Variants in CRISP2 observed in about 807,000 individuals in gnomAD.
CRISP2 encodes the protein cysteine-rich secretory protein 2.
CRISP2 carries 29 observed loss-of-function variants against 31.7 expected under a neutral mutation model. The ratio of observed to expected loss-of-function variants is 0.92; its 90% CI spans 0.68 to 1.25. The LOEUF (loss-of-function observed/expected upper bound fraction) is 1.25. CRISP2 is among the 50% of genes most tolerant of loss of function. The probability of loss-of-function intolerance (pLI) is 0.00; values close to 1 mark genes in which losing one functional copy is unlikely to be tolerated. For missense variants in CRISP2, 318 were observed against 286.5 expected (o/e 1.11, Z -0.79); for synonymous variants, 111 against 101.4 (o/e 1.09, Z -0.57).
At chr6:49,685,951 T>C in the CRISP2 span, among the ~76,000 whole-genome samples, 1 of 151,988 alleles carries the variant, frequency 6.6e-6, no homozygotes, top group Non-Finnish European at 1.5e-5. Flanking sequence ...CTCCCAACCA[T>C]TTTTTCTTAC....
intron 6 of CRISP2, 99 bp from the exon 7 acceptor site, chr6:49,698,606 C>T (rs982103524): frequency 8.1e-7 from 1 of 1,237,606 alleles, no homozygotes; most frequent in African/African-American, 1.5e-5. Flanking sequence ...ACCCAGGGTC[C>T]AGCAGATGCT....
Position 49,709,193 on chromosome 6 carries a change from C to A in CRISP2, c.4G>T (p.Ala2Ser). 3 of 1,613,452 alleles carry A rather than the reference C, an allele frequency of 1.9e-6. No homozygotes were observed. Among genetic ancestry groups the A allele is most frequent in the Non-Finnish European group, 2.5e-6 (3 of 1,179,818 alleles). M[A>S]LLPVLFLVTV... ...ACCAGAAACAACACCGGTAGTAAAG[C>A]CATTGCTGGAAACTAAGTCAAGAAA... Residue 2 changes from alanine to serine, a missense_variant, in exon 4 of 10, where the codon GCT becomes TCT. Transcript: ENST00000339139.
chr6:49,701,697 A>T (rs1449194757), intron 4 of CRISP2, among the ~76,000 whole-genome samples: 1 of 112,662 alleles, frequency 8.9e-6, no homozygotes, highest in East Asian at 2.6e-4. Flanking sequence ...ATATATGTAT[A>T]CATTATGTAT....
chr6:49,695,383 G>C (rs948235937), intron 9 of CRISP2, among the ~76,000 whole-genome samples: 2 of 152,122 alleles, frequency 1.3e-5, no homozygotes, highest in Admixed American at 1.3e-4. Flanking sequence ...AAAGAAGTGA[G>C]GAAATCAGCA....
chr6:49,699,806 G>A lies in CRISP2; in HGVS notation c.269C>T (p.Thr90Ile). 6.2e-7 allele frequency: 1 copy of A among 1,605,288 alleles called. No individual in the cohort carries two copies. The highest frequency in any genetic ancestry group is 8.5e-7 in the Non-Finnish European group (1 of 1,173,408). The stretch of plus-strand genomic sequence containing the variant: ...CAAATATTTACTAATTTACATACTG[G>A]TTTTGCGGTCCTCTGGATCACTATG... ...LQHSDPEDRK[T>I]STRCGENLYM... Residue 90 changes from threonine to isoleucine, a missense_variant and splice_region_variant, in exon 6 of 10, where the codon ACC becomes ATC. Coordinates refer to ENST00000339139, the MANE Select transcript of CRISP2 (RefSeq NM_003296.4).
chr6:49,699,522 G>T (rs570226221), intron 6 of CRISP2, among the ~76,000 whole-genome samples: 18 of 151,816 alleles, frequency 1.2e-4, no homozygotes, highest in Non-Finnish European at 2.6e-4. Context: ...TCAAATTCTG[G>T]CTTTCTAATC....
intron 6 of CRISP2, among the ~76,000 whole-genome samples, chr6:49,698,829 G>T (rs1283289002): frequency 1.3e-5 from 2 of 152,080 alleles, no homozygotes; most frequent in African/African-American, 4.8e-5. Flanking sequence ...GCTTGCTAAA[G>T]GCAGTGACCA....
At chr6:49,691,624 T>C (rs143561744), downstream of CRISP2, among the ~76,000 whole-genome samples, 991 of 152,150 alleles carry the variant, frequency 6.5e-3, 7 homozygotes, top group African/African-American at 0.022. Flanking sequence ...ATGTCTTTAG[T>C]TTTAGTACTA....
the CRISP2 span, among the ~76,000 whole-genome samples, chr6:49,686,464 G>A: frequency 6.6e-6 from 1 of 152,018 alleles, no homozygotes. Flanking sequence ...TCCCTCTCTG[G>A]TTTCAAAATG....
chr6:49,692,999 C>A, intron 9 of CRISP2, 99 bp from the exon 10 acceptor site: 1 of 1,276,646 alleles, frequency 7.8e-7, no homozygotes, highest in Non-Finnish European at 1.1e-6. Context: ...AGGGAACAAA[C>A]AAGTTAGCAT....
At chr6:49,678,608 G>A in the CRISP2 span, among the ~76,000 whole-genome samples, 3 of 152,084 alleles carry the variant, frequency 2.0e-5, no homozygotes, top group Non-Finnish European at 2.9e-5. Context: ...ATTGCAGAGA[G>A]TGTAAATGTG....
chr6:49,683,114 C>T, the CRISP2 span, among the ~76,000 whole-genome samples: 288 of 151,530 alleles, frequency 1.9e-3, 1 homozygote, highest in African/African-American at 6.4e-3. Flanking sequence ...GCTGAGATCA[C>T]GCCATTGCAC....
In CRISP2 at chr6:49,697,944, G is replaced by A. The variant is rs1210469215; in HGVS notation, c.431C>T (p.Ser144Leu). 7.5e-6 allele frequency: 12 copies of A among 1,597,692 alleles called. No homozygotes were observed. In the East Asian group the frequency reaches 1.6e-4, roughly 21 times the overall value. Reference sequence around the variant, plus strand: ...AATTCCACAGCCTACCTGGTAAGTCGAGTACCAAACAAGCTGCAAATTAAC... The same window carrying A: ...AATTCCACAGCCTACCTGGTAAGTCAAGTACCAAACAAGCTGCAAATTAAC... Reference protein sequence around the residue: ...VGHYTQLVWYSTYQVGCGIAY... With the variant: ...VGHYTQLVWYLTYQVGCGIAY... The change falls in exon 8 of 10, where the codon TCG becomes TTG. Residue 144 changes from serine to leucine, a missense_variant. Physicochemically the swap from Ser to Leu is moderately radical, Grantham distance 145. Transcript: ENST00000339139.
At chr6:49,709,298 A>C in intron 3 of CRISP2, 93 bp from the exon 4 acceptor site, 3 of 1,054,956 alleles carry the variant, frequency 2.8e-6, no homozygotes, top group Non-Finnish European at 4.2e-6. Flanking sequence ...CGATTATCTC[A>C]AAGGAACTGT....
the CRISP2 span, among the ~76,000 whole-genome samples, chr6:49,678,583 A>T: frequency 6.6e-6 from 1 of 151,844 alleles, no homozygotes; most frequent in Non-Finnish European, 1.5e-5. Flanking sequence ...CTCCGGTGGG[A>T]TTGGGATATT....
chr6:49,697,404 G>GT (rs1465955246), intron 8 of CRISP2, among the ~76,000 whole-genome samples: 4,878 of 52,256 alleles, frequency 0.093, 288 homozygotes, highest in African/African-American at 0.28. Flanking sequence ...AATTGTGTGT[G>GT]GTGGTGTGTG....
At position 49,700,603 on chromosome 6, in the gene CRISP2, G is replaced by C. The variant is rs57746041; in HGVS notation, c.183+65C>G. 8.8e-3 allele frequency: 8,201 copies of C among 927,950 alleles called. 463 individuals are homozygous for C. The African/African-American group carries it at 0.12, about 13-fold the overall frequency. 57.5% of individuals were successfully genotyped at this position (927,950 alleles called of 1,614,324 possible). ...ACCACAAAGTTCTTAAGAGATGCCAGTGGCCAGCCGTCGGCTCCTTCCACA... is the reference window on the plus strand; with the variant it reads ...ACCACAAAGTTCTTAAGAGATGCCACTGGCCAGCCGTCGGCTCCTTCCACA... On this transcript the variant is annotated intron_variant, in intron 5 of 9. Transcript: ENST00000339139.
chr6:49,691,045 T>A (rs982204184), downstream of CRISP2, among the ~76,000 whole-genome samples: 1 of 151,992 alleles, frequency 6.6e-6, no homozygotes, highest in Admixed American at 6.6e-5. Context: ...AAAGTATTTA[T>A]AAAGGTTATT....
intron 6 of CRISP2, among the ~76,000 whole-genome samples, chr6:49,699,133 T>C (rs1178672280): frequency 6.6e-6 from 1 of 152,112 alleles, no homozygotes; most frequent in Non-Finnish European, 1.5e-5. Context: ...TTTACTAGTT[T>C]TTATAATCCT....
Sources: allele counts gnomAD v4.1 joint callset (sites outside exome capture counted in the v4.1 genomes callset), GRCh38; gene constraint gnomAD v4.1.1; transcripts MANE v1.5; gene names NCBI Gene and HGNC (gene_info 2026-07-23, HGNC 2026-07-21).